Variants in ACCSL observed in about 807,000 individuals in gnomAD.
ACCSL encodes the protein probable inactive 1-aminocyclopropane-1-carboxylate synthase-like protein 2.
In ACCSL, 55 loss-of-function variants were observed where a neutral mutation model predicts 61.7. The observed-to-expected ratio is 0.89, with a 90% CI of 0.72 to 1.12. The LOEUF (loss-of-function observed/expected upper bound fraction) is 1.12. ACCSL is among the 50% of genes most tolerant of loss of function. ACCSL has a pLI of 0.00. For missense variants in ACCSL, 632 were observed against 698.0 expected, an observed-to-expected ratio of 0.91 and a Z score of 1.07; for synonymous variants, 258 against 264.3, an observed-to-expected ratio of 0.98 and a Z score of 0.23.
At chr11:43,969,643 G>T in the ACCSL span, among the ~76,000 whole-genome samples, 471 of 152,084 alleles carry the variant, frequency 3.1e-3, 4 homozygotes, top group African/African-American at 0.011. Flanking sequence ...TTCCCAGGGA[G>T]CAGCCCAGCA....
chr11:43,957,125 G>T, the ACCSL span, among the ~76,000 whole-genome samples: 1 of 152,178 alleles, frequency 6.6e-6, no homozygotes, highest in African/African-American at 2.4e-5. Flanking sequence ...TTTTGCCAAG[G>T]TTAAGGACCA....
At chr11:43,958,989 G>A in the ACCSL span, among the ~76,000 whole-genome samples, 1 of 152,142 alleles carries the variant, frequency 6.6e-6, no homozygotes, top group Non-Finnish European at 1.5e-5. Context: ...GAAGGTAGAA[G>A]GGCAGAAAAG....
At chr11:43,927,974 A>G in the ACCSL span, among the ~76,000 whole-genome samples, 1 of 152,194 alleles carries the variant, frequency 6.6e-6, no homozygotes, top group African/African-American at 2.4e-5. Context: ...AACATCAATA[A>G]TAAGGTGAAA....
chr11:43,938,748 A>G, the ACCSL span, among the ~76,000 whole-genome samples: 47 of 152,300 alleles, frequency 3.1e-4, no homozygotes, highest in Non-Finnish European at 1.5e-4. Context: ...GGTGCAGTGA[A>G]CCGAGATTGC....
the ACCSL span, among the ~76,000 whole-genome samples, chr11:44,002,418 C>G: frequency 1.3e-5 from 2 of 152,200 alleles, no homozygotes; most frequent in African/African-American, 4.8e-5. Context: ...CGCGTGGTTT[C>G]TAGGGAAAGG....
the ACCSL span, among the ~76,000 whole-genome samples, chr11:44,020,968 T>G: frequency 6.6e-6 from 1 of 152,176 alleles, no homozygotes; most frequent in East Asian, 1.9e-4. Context: ...TCATTCCTTT[T>G]TATGGCTGAG....
At chr11:44,058,045 C>T (rs913653633) in intron 11 of ACCSL, among the ~76,000 whole-genome samples, 17 of 152,174 alleles carry the variant, frequency 1.1e-4, no homozygotes, top group African/African-American at 3.6e-4. Flanking sequence ...TGGTGGCGTA[C>T]GCCTGTAGTG....
At chr11:44,043,985 T>C (rs529405580), upstream of ACCSL, among the ~76,000 whole-genome samples, 1 of 152,366 alleles carries the variant, frequency 6.6e-6, no homozygotes, top group East Asian at 1.9e-4. Flanking sequence ...TTGTCTGTGC[T>C]GGTGGTTTTA....
the ACCSL span, among the ~76,000 whole-genome samples, chr11:43,956,822 G>GA: frequency 2.6e-5 from 4 of 152,116 alleles, no homozygotes; most frequent in Non-Finnish European, 4.4e-5. Context: ...GCATGCCTGG[G>GA]AAAAATGCGA....
upstream of ACCSL, among the ~76,000 whole-genome samples, chr11:44,045,962 G>T (rs1296378285): frequency 2.0e-5 from 3 of 152,172 alleles, no homozygotes; most frequent in African/African-American, 7.2e-5. Flanking sequence ...TTACCACCCC[G>T]ATCTTGGCTC....
the ACCSL span, among the ~76,000 whole-genome samples, chr11:43,928,299 G>A: frequency 6.6e-6 from 1 of 152,110 alleles, no homozygotes; most frequent in African/African-American, 2.4e-5. Context: ...CTCTAGGAAT[G>A]GTGAAAAGAA....
At chr11:44,044,878 C>G (rs1952589767), upstream of ACCSL, among the ~76,000 whole-genome samples, 1 of 152,094 alleles carries the variant, frequency 6.6e-6, no homozygotes, top group Non-Finnish European at 1.5e-5. Context: ...GTTCTAGCTG[C>G]TAGAGAAGGC....
the ACCSL span, among the ~76,000 whole-genome samples, chr11:44,001,769 A>G: frequency 1.1e-5 from 1 of 92,576 alleles, no homozygotes; most frequent in African/African-American, 4.3e-5. Context: ...AGTGGAGGTA[A>G]AGGGGCTGTG....
chr11:44,038,170 G>A, the ACCSL span, among the ~76,000 whole-genome samples: 1 of 152,152 alleles, frequency 6.6e-6, no homozygotes, highest in African/African-American at 2.4e-5. Flanking sequence ...GTGAGCATGA[G>A]GAGCGGGTTG....
rs1467487185 is a variant in ACCSL, at chr11:44,050,547, A to T, written c.565-5A>T. The T allele has an allele frequency of 6.2e-7, 1 of 1,613,868 alleles. No individual in the cohort carries two copies. ...TACCTGTCTTCATGTTCTATTTGTCAACAGTTGCAAGAAAGTGACATGAAC... is the reference window on the plus strand; with the variant it reads ...TACCTGTCTTCATGTTCTATTTGTCTACAGTTGCAAGAAAGTGACATGAAC... On this transcript the variant is annotated splice_polypyrimidine_tract_variant and splice_region_variant and intron_variant, in intron 2 of 13. Transcript: ENST00000378832.
chr11:43,974,742 C>A, the ACCSL span, among the ~76,000 whole-genome samples: 4 of 152,148 alleles, frequency 2.6e-5, no homozygotes, highest in Non-Finnish European at 4.4e-5. Flanking sequence ...GAGAGGTCCA[C>A]GTGGTAGAAA....
chr11:44,011,315 G>A, the ACCSL span, among the ~76,000 whole-genome samples: 25 of 152,288 alleles, frequency 1.6e-4, no homozygotes, highest in African/African-American at 5.1e-4. Flanking sequence ...AGCACTCATC[G>A]TGGTCCTAGC....
intron 5 of ACCSL, 97 bp from the exon 6 acceptor site, chr11:44,052,565 T>C (rs1185092331): frequency 1.1e-5 from 12 of 1,060,310 alleles, no homozygotes; most frequent in Non-Finnish European, 1.4e-5. Flanking sequence ...TGAAACTGAC[T>C]TTTTTTCTGT....
chr11:43,969,165 A>G, the ACCSL span, among the ~76,000 whole-genome samples: 2 of 152,288 alleles, frequency 1.3e-5, no homozygotes, highest in Non-Finnish European at 2.9e-5. Context: ...CCTGGGCAAC[A>G]TGGCAAAACC....
Sources: gnomAD v4.1 joint callset for allele counts (sites outside exome capture counted in the v4.1 genomes callset) on GRCh38, gnomAD v4.1.1 for gene constraint, MANE v1.5 for transcripts, NCBI Gene and HGNC (gene_info 2026-07-23, HGNC 2026-07-21) for gene names.